The following FAAH2 variants were observed in gnomAD, a reference collection of about 807,000 sequenced individuals.
The protein encoded by FAAH2 is fatty-acid amide hydrolase 2.
FAAH2 carries 60 observed loss-of-function variants against 36.9 expected under a neutral mutation model. The observed-to-expected ratio is 1.63, with a 90% CI of 1.32 to 2.02. The LOEUF (loss-of-function observed/expected upper bound fraction) is 2.02. Ranked by LOEUF, FAAH2 falls within the 30% of genes most tolerant of loss-of-function variation. FAAH2 has a pLI of 0.00. For synonymous variants in FAAH2, 214 were observed against 143.8 expected (o/e 1.49, Z -3.49); for missense variants, 689 against 397.5 (o/e 1.73, Z -6.23).
intron 7 of FAAH2, among the ~76,000 whole-genome samples, chrX:57,430,885 G>A (rs2056278853): frequency 8.9e-6 from 1 of 112,008 alleles, no homozygotes; most frequent in South Asian, 3.8e-4. Context: ...ATTGTTCTCA[G>A]TACTCTCCCA....
chrX:57,173,346 A>T, the FAAH2 span, among the ~76,000 whole-genome samples: 5 of 112,046 alleles, frequency 4.5e-5, no homozygotes, highest in African/African-American at 1.6e-4. Context: ...TTGCTATTGT[A>T]AAAGGAATTG....
chrX:57,227,210 G>C, the FAAH2 span, among the ~76,000 whole-genome samples: 58 of 110,838 alleles, frequency 5.2e-4, no homozygotes, highest in African/African-American at 1.5e-3. Context: ...GGGTCGGGGG[G>C]TGTTGAGGAG....
the FAAH2 span, among the ~76,000 whole-genome samples, chrX:57,278,943 C>T: frequency 9.0e-6 from 1 of 111,445 alleles, no homozygotes; most frequent in African/African-American, 3.3e-5. Context: ...ATCATTAAAA[C>T]GTCGGGAAAC....
chrX:57,284,217 A>G (rs2051779584), upstream of FAAH2, among the ~76,000 whole-genome samples: 1 of 111,502 alleles, frequency 9.0e-6, no homozygotes, highest in Non-Finnish European at 1.9e-5. Context: ...GCCCGGGAAG[A>G]AAGCCTGCAA....
At chrX:57,137,038 T>G in the FAAH2 span, 4 of 826,921 alleles carry the variant, frequency 4.8e-6, no homozygotes, top group East Asian at 2.0e-4. Flanking sequence ...CCTTGCTTCC[T>G]GGCGCTCACC....
At chrX:57,295,033 G>T (rs191681896) in intron 2 of FAAH2, among the ~76,000 whole-genome samples, 2 of 112,226 alleles carry the variant, frequency 1.8e-5, no homozygotes, top group Non-Finnish European at 3.8e-5. Context: ...GGAAGAAATT[G>T]GGATTATCAG....
At chrX:57,471,540 G>A (rs1484686028) in intron 10 of FAAH2, among the ~76,000 whole-genome samples, 3 of 111,710 alleles carry the variant, frequency 2.7e-5, no homozygotes, top group Non-Finnish European at 5.6e-5. Context: ...TACAAGGGAT[G>A]TGAAGGACCT....
chrX:57,228,633 G>A, the FAAH2 span, among the ~76,000 whole-genome samples: 3 of 111,051 alleles, frequency 2.7e-5, no homozygotes, highest in South Asian at 7.7e-4. Context: ...GCTCTGTCCG[G>A]AGCTGCAATC....
At chrX:57,308,119 T>C (rs1439455079) in intron 2 of FAAH2, among the ~76,000 whole-genome samples, 1 of 111,307 alleles carries the variant, frequency 9.0e-6, no homozygotes, top group African/African-American at 3.3e-5. Flanking sequence ...TGCAAGTGTC[T>C]TTTTGGTAAA....
At chrX:57,405,032 A>G (rs974078973) in intron 7 of FAAH2, among the ~76,000 whole-genome samples, 2 of 112,050 alleles carry the variant, frequency 1.8e-5, no homozygotes, top group Non-Finnish European at 3.8e-5. Context: ...CCTTTCCCAG[A>G]CAGCTTCCCA....
At chrX:57,351,188 A>G (rs752403036) in intron 5 of FAAH2, among the ~76,000 whole-genome samples, 9 of 111,715 alleles carry the variant, frequency 8.1e-5, no homozygotes, top group Non-Finnish European at 1.7e-4. Context: ...ACCAACAGGA[A>G]CTTTAGAAAG....
At chrX:57,135,491 A>T in the FAAH2 span, 152 of 286,846 alleles carry the variant, frequency 5.3e-4, 1 homozygote, top group African/African-American at 4.0e-3. Context: ...CCCCCTCCAG[A>T]CCAGACCAGC....
intron 5 of FAAH2, among the ~76,000 whole-genome samples, chrX:57,356,696 C>A (rs1346689061): frequency 1.8e-5 from 2 of 110,512 alleles, no homozygotes; most frequent in African/African-American, 6.5e-5. Flanking sequence ...TCTTACTAAA[C>A]CCAGTTCTTA....
chrX:57,332,277 G>A (rs991448800), intron 4 of FAAH2, among the ~76,000 whole-genome samples: 1 of 112,071 alleles, frequency 8.9e-6, no homozygotes, highest in African/African-American at 3.2e-5. Flanking sequence ...TTCTTTGCTT[G>A]TAAGATGGCC....
chrX:57,396,934 T>C (rs750874851), intron 7 of FAAH2, among the ~76,000 whole-genome samples: 1 of 112,043 alleles, frequency 8.9e-6, no homozygotes, highest in Non-Finnish European at 1.9e-5. Flanking sequence ...AGTGAGTTAT[T>C]TACGTTTCCC....
Position 57,379,486 on chromosome X carries a change from A to G in FAAH2, c.878+700A>G, listed in dbSNP as rs142168854. Reference sequence around the variant, plus strand: ...CTCTCAGATCTTTGTTCCATTACTTATCTCATCTTAGTATGACTTTAACCT... The same window carrying G: ...CTCTCAGATCTTTGTTCCATTACTTGTCTCATCTTAGTATGACTTTAACCT... On this transcript the variant is annotated intron_variant, in intron 6 of 10. Transcript: ENST00000374900. 4.7e-3 allele frequency among the ~76,000 whole-genome samples: 507 copies of G among 107,962 alleles called. 3 individuals are homozygous for G. The highest frequency in any genetic ancestry group is 0.016 in the African/African-American group (480 of 29,576). The allele number at this position is 107,962 out of a possible 115,157, so 93.8% of individuals were successfully genotyped here. A position where few individuals can be genotyped will look rare whatever the true frequency, so the allele number is the denominator to read the frequency against.
intron 5 of FAAH2, among the ~76,000 whole-genome samples, chrX:57,376,720 G>A (rs1281541935): frequency 8.9e-6 from 1 of 111,854 alleles, no homozygotes; most frequent in Non-Finnish European, 1.9e-5. Flanking sequence ...GATCGTTGAG[G>A]AATCACCACA....
chrX:57,219,863 CTTTTTTTTTTTT>C, the FAAH2 span, among the ~76,000 whole-genome samples: 2 of 35,640 alleles, frequency 5.6e-5, no homozygotes, highest in Non-Finnish European at 9.9e-5. Context: ...AGCGCCTTGT[CTTTTTTTTTTTT>C]TTTTTTTTTT....
chrX:57,337,372 T>A (rs1360471192), intron 4 of FAAH2, among the ~76,000 whole-genome samples: 2 of 108,500 alleles, frequency 1.8e-5, no homozygotes, highest in Non-Finnish European at 3.8e-5. Flanking sequence ...TTCCAAAAAA[T>A]TGAAAAAGAG....
Sources: allele counts gnomAD v4.1 joint callset (sites outside exome capture counted in the v4.1 genomes callset), GRCh38; gene constraint gnomAD v4.1.1; transcripts MANE v1.5; gene names NCBI Gene and HGNC (gene_info 2026-07-23, HGNC 2026-07-21).